Variants in SPAG17 observed in about 807,000 individuals in gnomAD.
The protein encoded by SPAG17 is sperm associated antigen 17, also known as sperm-associated antigen 17.
SPAG17 carries 169 observed loss-of-function variants against 273.6 expected under a neutral mutation model. The observed-to-expected ratio is 0.62, with a 90% CI of 0.55 to 0.70. SPAG17 has a LOEUF of 0.70. SPAG17 is among the 30% of genes least tolerant of loss of function. SPAG17 has a pLI of 0.00. For missense variants in SPAG17, 2,557 were observed against 2,627.8 expected, an observed-to-expected ratio of 0.97 and a Z score of 0.59; for synonymous variants, 825 against 873.2, an observed-to-expected ratio of 0.94 and a Z score of 0.97.
At chr1:118,096,951 G>A (rs899999260) in intron 7 of SPAG17, among the ~76,000 whole-genome samples, 4 of 152,072 alleles carry the variant, frequency 2.6e-5, no homozygotes, top group African/African-American at 9.7e-5. Flanking sequence ...ATAAGATTTT[G>A]GGGCCAGGCA....
chr1:118,126,228 CAG>C (rs1378743079), intron 3 of SPAG17, among the ~76,000 whole-genome samples: 1 of 114,036 alleles, frequency 8.8e-6, no homozygotes, highest in Non-Finnish European at 1.7e-5. Flanking sequence ...TTTTTTGAGA[CAG>C]AGTCTCGCTC....
chr1:117,981,389 T>C lies in SPAG17; in HGVS notation c.5885A>G (p.His1962Arg), dbSNP rs750839853. The change falls in exon 43 of 49, where the codon CAT becomes CGT. Residue 1962 changes from histidine (H) to arginine (R), a missense_variant. Transcript: ENST00000336338. ...TSDLNLDFKP[H>R]KVSEQKSSSV... is the part of the protein sequence containing the mutation. ...TGAGGATTTCTGTTCTGAAACCTTA[T>C]GTGGCTTGAAATCTAGAAAACCCAA... 6.3e-7 allele frequency: 1 copy of C among 1,593,248 alleles called. No homozygotes were observed. Among genetic ancestry groups the C allele is most frequent in the South Asian group, 1.2e-5 (1 of 86,112 alleles).
chr1:117,969,981 C>G (rs1259813631), intron 46 of SPAG17, 75 bp downstream of exon 46: 4 of 1,360,180 alleles, frequency 2.9e-6, no homozygotes, highest in Non-Finnish European at 4.1e-6. Context: ...GTTTCAAAGC[C>G]CACTTCACTG....
At chr1:118,112,575 A>C (rs1370086770) in intron 4 of SPAG17, among the ~76,000 whole-genome samples, 1 of 152,132 alleles carries the variant, frequency 6.6e-6, no homozygotes, top group Non-Finnish European at 1.5e-5. Context: ...AAGTTCTAAA[A>C]TACTAAAATA....
Position 117,967,308 on chromosome 1 carries a change from A to G in SPAG17, c.6388-555T>C, listed in dbSNP as rs1653986817. On this transcript the variant is annotated intron_variant, in intron 46 of 48. Coordinates refer to ENST00000336338, the MANE Select transcript of SPAG17 (RefSeq NM_206996.4). Reference sequence around the variant, plus strand: ...CAAAACTCCATCTCAAAAAAAAAAAAAAAAAAAAAAATTCATCTAACAGAC... The same window carrying G: ...CAAAACTCCATCTCAAAAAAAAAAAGAAAAAAAAAAATTCATCTAACAGAC... Among the ~76,000 whole-genome samples, 3 of 151,806 alleles carry G rather than the reference A, an allele frequency of 2.0e-5. No individual in the cohort carries two copies. The Middle Eastern group carries it at 0.01, about 523-fold the overall frequency.
chr1:118,134,128 C>T (rs1406510873), intron 3 of SPAG17, among the ~76,000 whole-genome samples: 4 of 152,262 alleles, frequency 2.6e-5, no homozygotes, highest in Middle Eastern at 6.8e-3. Context: ...GAATTATATG[C>T]TTTGACCCAG....
At chr1:117,978,361 C>T (rs757091825) in intron 43 of SPAG17, among the ~76,000 whole-genome samples, 3 of 152,194 alleles carry the variant, frequency 2.0e-5, no homozygotes, top group African/African-American at 7.2e-5. Context: ...TGACCTTATT[C>T]ATATCTAAGG....
At chr1:118,140,351 T>C (rs1658606526) in intron 3 of SPAG17, among the ~76,000 whole-genome samples, 1 of 152,190 alleles carries the variant, frequency 6.6e-6, no homozygotes, top group Non-Finnish European at 1.5e-5. Context: ...ATTTCAAATG[T>C]TCTCACCACA....
At position 118,031,873 on chromosome 1, in the gene SPAG17, A is replaced by G. The variant is rs1648518835; in HGVS notation, c.3434-6T>C. 1.3e-6 allele frequency: 2 copies of G among 1,554,372 alleles called. No individual in the cohort carries two copies. Among genetic ancestry groups the G allele is most frequent in the East Asian group, 2.3e-5 (1 of 44,156 alleles). ...TAAATCAGGATCCTTATCTTCTATA[A>G]GCAGAAAAAGTAAAAATGAAGTTGA... On this transcript the variant is annotated splice_region_variant and splice_polypyrimidine_tract_variant and intron_variant, in intron 24 of 48. Transcript: ENST00000336338.
At chr1:118,004,897 G>A (rs1305674421) in intron 32 of SPAG17, among the ~76,000 whole-genome samples, 3 of 152,180 alleles carry the variant, frequency 2.0e-5, no homozygotes, top group Non-Finnish European at 4.4e-5. Context: ...CTTCTGTGTC[G>A]ATCACACTGG....
rs1419566154 is a variant in SPAG17 at position 117,983,799 on chromosome 1, C to A, written c.5872+12G>T. 1.3e-6 allele frequency: 2 copies of A among 1,542,954 alleles called. No individual in the cohort carries two copies. The highest frequency in any genetic ancestry group is 1.8e-6 in the Non-Finnish European group (2 of 1,118,308). ...ACATTTAATAGGAATATGTGCTATG[C>A]TAACATATTACCTAGATTAAGATCA... On this transcript the variant is annotated intron_variant, in intron 42 of 48. Transcript: ENST00000336338.
chr1:118,074,636 T>C, intron 15 of SPAG17, 36 bp from the exon 16 acceptor site: 2 of 1,597,606 alleles, frequency 1.3e-6, no homozygotes, highest in Non-Finnish European at 1.7e-6. Flanking sequence ...AGTTGTGTTC[T>C]GGCTTTGTTC....
intron 20 of SPAG17, among the ~76,000 whole-genome samples, chr1:118,049,112 ACCTGACGG>A (rs1401957976): frequency 1.3e-5 from 2 of 152,162 alleles, no homozygotes; most frequent in Non-Finnish European, 2.9e-5. Context: ...AAAGCCTAGG[ACCTGACGG>A]CTTTACTAAT....
intron 3 of SPAG17, among the ~76,000 whole-genome samples, chr1:118,123,258 G>A (rs999711020): frequency 6.6e-6 from 1 of 152,062 alleles, no homozygotes; most frequent in African/African-American, 2.4e-5. Flanking sequence ...ACTTGATCCT[G>A]TATGTGTCTA....
intron 43 of SPAG17, among the ~76,000 whole-genome samples, chr1:117,978,253 C>T (rs973710967): frequency 6.6e-6 from 1 of 152,196 alleles, no homozygotes; most frequent in Non-Finnish European, 1.5e-5. Flanking sequence ...TGCAATCAGA[C>T]AGGAATTCCC....
chr1:118,114,865 T>G lies in SPAG17; in HGVS notation c.447+445A>C, dbSNP rs527806054. Among the ~76,000 whole-genome samples, 14 of 152,302 alleles carry G rather than the reference T, an allele frequency of 9.2e-5. No homozygotes were observed. In the South Asian group the frequency reaches 2.9e-3, roughly 32 times the overall value. On this transcript the variant is annotated intron_variant, in intron 4 of 48. Coordinates refer to ENST00000336338, the MANE Select transcript of SPAG17 (RefSeq NM_206996.4). ...ATGGATTGCTGCTGAAATATTCAGA[T>G]TATTATGAAGGTGCAGATATGCCTA...
chr1:118,133,706 G>A (rs1414956998), intron 3 of SPAG17, among the ~76,000 whole-genome samples: 1 of 152,178 alleles, frequency 6.6e-6, no homozygotes, highest in African/African-American at 2.4e-5. Flanking sequence ...GCCTTTGTTA[G>A]AAGTTTTGCC....
At chr1:118,136,379 C>T (rs982054162) in intron 3 of SPAG17, among the ~76,000 whole-genome samples, 8 of 152,116 alleles carry the variant, frequency 5.3e-5, no homozygotes. Context: ...TCACTCTCCC[C>T]GAATGCATGT....
At position 118,114,754 on chromosome 1, in the gene SPAG17, GCA is replaced by G. The variant is rs1431386658; in HGVS notation, c.447+554_447+555del. Among the ~76,000 whole-genome samples the G allele has an allele frequency of 4.6e-5, 7 of 152,162 alleles. No individual in the cohort carries two copies. In the South Asian group the frequency reaches 1.4e-3, roughly 32 times the overall value. The stretch of plus-strand genomic sequence containing the variant: ...ATATGCAAATATGAGTCTTTGGAAA[GCA>G]CACAGATTGATTTCTATAAGCAAAT... On this transcript the variant is annotated intron_variant, in intron 4 of 48. Transcript: ENST00000336338.
Sources: gnomAD v4.1 joint callset for allele counts (sites outside exome capture counted in the v4.1 genomes callset) on GRCh38, gnomAD v4.1.1 for gene constraint, MANE v1.5 for transcripts, NCBI Gene and HGNC (gene_info 2026-07-23, HGNC 2026-07-21) for gene names.